The following PAAF1 variants were observed in gnomAD, a reference collection of about 807,000 sequenced individuals.
PAAF1 encodes proteasomal ATPase-associated factor 1.
Under a neutral mutation model 52.8 loss-of-function variants are expected in PAAF1, and 46 were observed. The ratio of observed to expected loss-of-function variants is 0.87; its 90% CI spans 0.69 to 1.11. The LOEUF is 1.11. PAAF1 is among the 50% of genes most tolerant of loss of function. The pLI, the probability that PAAF1 is intolerant of heterozygous loss-of-function variation, is 0.00. For synonymous variants in PAAF1, 178 were observed against 172.8 expected (o/e 1.03, Z -0.24); for missense variants, 424 against 477.4 (o/e 0.89, Z 1.04).
At chr11:73,916,932 G>A (rs1591121449) in intron 9 of PAAF1, among the ~76,000 whole-genome samples, 2 of 152,202 alleles carry the variant, frequency 1.3e-5, no homozygotes, top group African/African-American at 4.8e-5. Context: ...TAAATTGATT[G>A]TCTAGAACTT....
In PAAF1 at chr11:73,891,200, G is replaced by T; in HGVS notation, c.281G>T (p.Ser94Ile). 6.6e-7 allele frequency: 1 copy of T among 1,520,298 alleles called. No homozygotes were observed. The highest frequency in any genetic ancestry group is 9.1e-7 in the Non-Finnish European group (1 of 1,102,984). 94.2% of individuals were successfully genotyped at this position (1,520,298 alleles called of 1,614,324 possible). ...ACTTTTTCCAGAATTCATACAAAGA[G>T]TGTAAGTATTTTGATAAAATGAAGA... ...YTTFSRIHTK[S>I]ITCLDISSRG... Residue 94 changes from serine (S) to isoleucine (I), a missense_variant and splice_region_variant, in exon 4 of 12, where the codon AGT (serine) becomes ATT (isoleucine). Ser to Ile is a moderately radical substitution (Grantham distance 142). Transcript: ENST00000310571.
rs1488404223 is a variant in PAAF1, at chr11:73,921,986, TA to T, written c.1019-2628del. 19 of 839,680 alleles carry T rather than the reference TA, an allele frequency of 2.3e-5. No individual in the cohort carries two copies. In the East Asian group the frequency reaches 5.2e-4, roughly 23 times the overall value. The allele number at this position is 839,680 out of a possible 1,614,324, so 52.0% of individuals were successfully genotyped here. A position where few individuals can be genotyped will look rare whatever the true frequency, so the allele number is the denominator to read the frequency against. ...TCAGAAACGTAGACAGAGATACGTA[TA>T]TCAAGGTCCTGTCAGCTTCATTCTT... On this transcript the variant is annotated intron_variant, in intron 10 of 11. Transcript: ENST00000310571.
intron 10 of PAAF1, chr11:73,921,706 C>A (rs1950225527): frequency 1.1e-6 from 1 of 938,626 alleles, no homozygotes; most frequent in Admixed American, 1.8e-5. Flanking sequence ...CTTCACAAAA[C>A]AAGTCCACCA....
chr11:73,916,569 G>A lies in PAAF1; in HGVS notation c.844G>A (p.Ala282Thr), dbSNP rs1185994727. ...GGTGTTCCTCTTTATTGGCTCAGAC[G>A]CTTTCAACTGCTGTACTTTTCTCTC... The part of the protein sequence containing the change: ...QLVFLFIGSD[A>T]FNCCTFLSGF... The change falls in exon 9 of 12, where the codon GCT becomes ACT. Residue 282 changes from alanine (A) to threonine (T), a missense_variant. Transcript: ENST00000310571. The A allele has an allele frequency of 2.5e-6, 4 of 1,613,364 alleles. No homozygotes were observed. The highest frequency in any genetic ancestry group is 3.4e-6 in the Non-Finnish European group (4 of 1,179,604).
intron 2 of PAAF1, among the ~76,000 whole-genome samples, chr11:73,883,395 A>G (rs1463088244): frequency 6.6e-6 from 1 of 152,014 alleles, no homozygotes; most frequent in East Asian, 1.9e-4. Context: ...CCACCCCCCA[A>G]TCCTAGCAAC....
intron 1 of PAAF1, among the ~76,000 whole-genome samples, chr11:73,878,117 A>T (rs1948794841): frequency 6.6e-6 from 1 of 152,252 alleles, no homozygotes; most frequent in South Asian, 2.1e-4. Context: ...TACTAAATTT[A>T]TACCTTACTT....
chr11:73,886,695 A>G (rs1048330479), intron 2 of PAAF1, among the ~76,000 whole-genome samples: 11 of 151,192 alleles, frequency 7.3e-5, no homozygotes, highest in African/African-American at 2.4e-4. Context: ...AAAAAAAAAA[A>G]AAAGAAAATG....
At chr11:73,893,229 T>G (rs998919874) in intron 4 of PAAF1, among the ~76,000 whole-genome samples, 1 of 152,224 alleles carries the variant, frequency 6.6e-6, no homozygotes, top group African/African-American at 2.4e-5. Context: ...GTGGGAATTA[T>G]GAGGCTTTGG....
rs1215644971 is a variant in PAAF1 at position 73,909,675 on chromosome 11, C to T, written c.727+82C>T. On this transcript the variant is annotated intron_variant, in intron 7 of 11. Transcript: ENST00000310571. ...TGCCTTAGTTTCTCCTTTTCTTCCT[C>T]ATCCTTTTCTGCTCTGTGCCTGGTA... is the stretch of plus-strand genomic sequence containing the variant. 4.7e-6 allele frequency: 6 copies of T among 1,272,746 alleles called. No homozygotes were observed. The South Asian group carries it at 5.3e-5, about 11-fold the overall frequency. 78.8% of individuals were successfully genotyped at this position (1,272,746 alleles called of 1,614,324 possible).
intron 9 of PAAF1, among the ~76,000 whole-genome samples, chr11:73,917,240 C>T (rs1369609398): frequency 1.3e-5 from 2 of 151,994 alleles, no homozygotes; most frequent in East Asian, 1.9e-4. Flanking sequence ...AGGCTGATCT[C>T]GAATTCCTGA....
chr11:73,881,882 A>AT (rs796635145), intron 2 of PAAF1, among the ~76,000 whole-genome samples: 42 of 144,226 alleles, frequency 2.9e-4, no homozygotes, highest in South Asian at 1.1e-3. Context: ...AATTTTTTGT[A>AT]TTTTTTTTTG....
At chr11:73,885,060 C>T (rs1305295653) in intron 2 of PAAF1, among the ~76,000 whole-genome samples, 1 of 151,666 alleles carries the variant, frequency 6.6e-6, no homozygotes, top group Non-Finnish European at 1.5e-5. Flanking sequence ...GGGGTTTCAC[C>T]GTTTTAGCCG....
chr11:73,908,673 A>G (rs956885699), intron 6 of PAAF1, among the ~76,000 whole-genome samples: 1 of 152,168 alleles, frequency 6.6e-6, no homozygotes, highest in African/African-American at 2.4e-5. Context: ...TGCTGGAATT[A>G]CAGGTGTGTA....
intron 4 of PAAF1, among the ~76,000 whole-genome samples, chr11:73,896,506 G>A (rs1949370657): frequency 6.6e-6 from 1 of 150,580 alleles, no homozygotes; most frequent in Non-Finnish European, 1.5e-5. Context: ...GACTCTTAAG[G>A]AGCATGCTGC....
chr11:73,887,289 T>A, intron 2 of PAAF1, 65 bp from the exon 3 acceptor site: 1 of 1,214,448 alleles, frequency 8.2e-7, no homozygotes, highest in Non-Finnish European at 1.2e-6. Flanking sequence ...CTGAATTGGG[T>A]CTTCAAAGAG....
intron 2 of PAAF1, among the ~76,000 whole-genome samples, chr11:73,885,375 C>G (rs1949033639): frequency 1.3e-5 from 2 of 151,640 alleles, no homozygotes; most frequent in Non-Finnish European, 2.9e-5. Flanking sequence ...AACTCCTGAC[C>G]TTGTGATCCA....
chr11:73,891,000 A>C, intron 3 of PAAF1, 112 bp from the exon 4 acceptor site: 1 of 656,642 alleles, frequency 1.5e-6, no homozygotes, highest in Non-Finnish European at 2.7e-6. Flanking sequence ...GAGAGAGGGT[A>C]CACTGAGAAG....
At chr11:73,918,352 A>ATTTTTTTTTTTTTTTTTTTTTTTTTTT (rs1157984685) in intron 9 of PAAF1, among the ~76,000 whole-genome samples, 1 of 71,668 alleles carries the variant, frequency 1.4e-5, no homozygotes, top group Non-Finnish European at 2.6e-5. Flanking sequence ...CAGTTACTTA[A>ATTTTTTTTTTTTTTTTTTTTTTTTTTT]TTTTTTTTTT....
At chr11:73,902,982 G>A (rs1334884546) in intron 6 of PAAF1, among the ~76,000 whole-genome samples, 1 of 152,254 alleles carries the variant, frequency 6.6e-6, no homozygotes, top group Non-Finnish European at 1.5e-5. Context: ...ACAGGCGTGA[G>A]CCACTGCGCC....
Sources: gnomAD v4.1 joint callset for allele counts (sites outside exome capture counted in the v4.1 genomes callset) on GRCh38, gnomAD v4.1.1 for gene constraint, MANE v1.5 for transcripts, NCBI Gene and HGNC (gene_info 2026-07-23, HGNC 2026-07-21) for gene names.